Variants in AUTS2 observed in about 807,000 individuals in gnomAD.
The protein encoded by AUTS2 is activator of transcription and developmental regulator AUTS2, also known as autism susceptibility gene 2 protein.
Under a neutral mutation model 112.4 loss-of-function variants are expected in AUTS2, and 17 were observed. The ratio of observed to expected loss-of-function variants is 0.15; its 90% confidence interval spans 0.10 to 0.23. The LOEUF (loss-of-function observed/expected upper bound fraction) is 0.23. AUTS2 is among the 10% of genes least tolerant of loss of function. AUTS2 has a pLI of 1.00. For synonymous variants in AUTS2, 751 were observed against 702.7 expected, an observed-to-expected ratio of 1.07 and a Z score of -1.09; for missense variants, 1,510 against 1,701.6, an observed-to-expected ratio of 0.89 and a Z score of 1.98.
chr7:69,959,986 T>A (rs981868801), intron 2 of AUTS2, among the ~76,000 whole-genome samples: 2 of 152,130 alleles, frequency 1.3e-5, no homozygotes, highest in African/African-American at 2.4e-5. Flanking sequence ...TATTTTTTTT[T>A]AATCTGTCTG....
At chr7:70,003,260 T>G (rs1348832525) in intron 2 of AUTS2, among the ~76,000 whole-genome samples, 1 of 123,624 alleles carries the variant, frequency 8.1e-6, no homozygotes, top group African/African-American at 3.5e-5. Flanking sequence ...TATGAATATA[T>G]AATATATTAT....
intron 4 of AUTS2, among the ~76,000 whole-genome samples, chr7:70,423,791 T>G (rs1009404735): frequency 6.6e-6 from 1 of 152,228 alleles, no homozygotes; most frequent in Non-Finnish European, 1.5e-5. Context: ...GTTTCTGGTT[T>G]TGTTTGTCTG....
intron 5 of AUTS2, among the ~76,000 whole-genome samples, chr7:70,546,571 G>A (rs1024225303): frequency 1.3e-4 from 20 of 152,284 alleles, no homozygotes; most frequent in Non-Finnish European, 2.4e-4. Context: ...GAGGTCAGGA[G>A]ATTGAGACCA....
chr7:69,639,678 C>G (rs1015067730), intron 1 of AUTS2, among the ~76,000 whole-genome samples: 3 of 152,234 alleles, frequency 2.0e-5, no homozygotes, highest in African/African-American at 7.2e-5. Context: ...TTCCGTCTTG[C>G]TCCCTTTTCC....
chr7:70,450,687 A>G (rs1796494608), intron 5 of AUTS2, among the ~76,000 whole-genome samples: 1 of 152,154 alleles, frequency 6.6e-6, no homozygotes, highest in Non-Finnish European at 1.5e-5. Context: ...CAGAATTGAC[A>G]TTTTGGAGGA....
Position 69,812,400 on chromosome 7 carries a change from C to T in AUTS2, c.310-86886C>T, listed in dbSNP as rs1446829233. ...ACAAATACAAGGGTTCTTCCCAGCTCCTACCAGGCTTGATGCTATATAGAT... is the reference window on the plus strand; with the variant it reads ...ACAAATACAAGGGTTCTTCCCAGCTTCTACCAGGCTTGATGCTATATAGAT... On this transcript the variant is annotated intron_variant, in intron 1 of 18. Coordinates refer to ENST00000342771, the MANE Select transcript of AUTS2 (RefSeq NM_015570.4). Among the ~76,000 whole-genome samples the T allele has an allele frequency of 2.6e-5, 4 of 152,162 alleles. No homozygotes were observed. In the South Asian group the frequency reaches 6.2e-4, roughly 24 times the overall value.
intron 5 of AUTS2, among the ~76,000 whole-genome samples, chr7:70,573,606 C>T (rs533456538): frequency 3.3e-5 from 5 of 152,246 alleles, no homozygotes; most frequent in Admixed American, 1.3e-4. Flanking sequence ...AGTGGTTAGA[C>T]GGCCTTTCAG....
intron 1 of AUTS2, among the ~76,000 whole-genome samples, chr7:69,866,335 C>G (rs1041397943): frequency 2.6e-5 from 4 of 152,132 alleles, no homozygotes; most frequent in Admixed American, 2.6e-4. Flanking sequence ...GTTTTGTTCT[C>G]CCTGTTCTCC....
chr7:70,533,364 T>C (rs1800175155), intron 5 of AUTS2, among the ~76,000 whole-genome samples: 1 of 152,170 alleles, frequency 6.6e-6, no homozygotes, highest in African/African-American at 2.4e-5. Context: ...TCCTCACACC[T>C]GACCCTCCCG....
chr7:70,146,102 G>C (rs1426052418), intron 4 of AUTS2, among the ~76,000 whole-genome samples: 2 of 152,022 alleles, frequency 1.3e-5, no homozygotes, highest in East Asian at 3.9e-4. Context: ...TTAGATTTTT[G>C]TGACTAACAG....
rs183163532 is a variant in AUTS2 at position 70,425,388 on chromosome 7, C to T, written c.661-10364C>T. On this transcript the variant is annotated intron_variant, in intron 4 of 18. Transcript: ENST00000342771. The stretch of plus-strand genomic sequence containing the variant: ...CTGAAGGTGATTCAAGCCAGACTGG[C>T]TGTTCCTGCTGGCTGTGCCTTTCCT... 7.1e-3 allele frequency among the ~76,000 whole-genome samples: 1,088 copies of T among 152,338 alleles called. 15 individuals carry two copies. The highest frequency in any genetic ancestry group is 0.025 in the African/African-American group (1,037 of 41,568).
At chr7:69,728,911 A>C (rs1442797445) in intron 1 of AUTS2, among the ~76,000 whole-genome samples, 2 of 152,118 alleles carry the variant, frequency 1.3e-5, no homozygotes, top group African/African-American at 4.8e-5. Context: ...AAAAAATTCA[A>C]ACGAACATTG....
intron 5 of AUTS2, among the ~76,000 whole-genome samples, chr7:70,516,166 T>C (rs903114500): frequency 2.6e-5 from 4 of 152,208 alleles, no homozygotes; most frequent in African/African-American, 9.7e-5. Flanking sequence ...GAGACAGTAA[T>C]GTATGTCGTA....
chr7:69,726,333 A>G (rs1786514520), intron 1 of AUTS2, among the ~76,000 whole-genome samples: 1 of 152,136 alleles, frequency 6.6e-6, no homozygotes, highest in South Asian at 2.1e-4. Context: ...TTCTGTTAAC[A>G]TAATGTTTTT....
In AUTS2 at chr7:69,846,172, CA is replaced by C. The variant is rs564358548; in HGVS notation, c.310-53111del. 1.9e-3 allele frequency among the ~76,000 whole-genome samples: 294 copies of C among 151,872 alleles called. 1 individual carries two copies. Among genetic ancestry groups the C allele is most frequent in the African/African-American group, 6.7e-3 (276 of 41,388 alleles). ...TTGCTTCTAGGCATATTGATATTCACAAAGTTTACCACTGACAGTTGTAGTC... is the reference window on the plus strand; with the variant it reads ...TTGCTTCTAGGCATATTGATATTCACAAGTTTACCACTGACAGTTGTAGTC... On this transcript the variant is annotated intron_variant, in intron 1 of 18. Transcript: ENST00000342771.
intron 1 of AUTS2, among the ~76,000 whole-genome samples, chr7:69,842,461 A>T (rs1792023605): frequency 6.6e-6 from 1 of 152,230 alleles, no homozygotes; most frequent in African/African-American, 2.4e-5. Context: ...TTTGAGAAAC[A>T]TCTGAAGTCT....
At position 70,406,916 on chromosome 7, in the gene AUTS2, G is replaced by C. The variant is rs79942958; in HGVS notation, c.661-28836G>C. The stretch of plus-strand genomic sequence containing the variant: ...AATTAACCATGCATCACCTCCAATA[G>C]AGGAAGCAGCTGGCCTGTTCTCAAC... On this transcript the variant is annotated intron_variant, in intron 4 of 18. Coordinates refer to ENST00000342771, the MANE Select transcript of AUTS2 (RefSeq NM_015570.4). Among the ~76,000 whole-genome samples the C allele has an allele frequency of 5.6e-3, 857 of 152,332 alleles. 4 individuals carry two copies. Among genetic ancestry groups the C allele is most frequent in the Non-Finnish European group, 9.0e-3 (614 of 68,026 alleles).
At chr7:70,391,355 G>A (rs1452476094) in intron 4 of AUTS2, among the ~76,000 whole-genome samples, 1 of 152,136 alleles carries the variant, frequency 6.6e-6, no homozygotes, top group Non-Finnish European at 1.5e-5. Context: ...TGTTTTAGAT[G>A]CTCAGAACAT....
intron 4 of AUTS2, among the ~76,000 whole-genome samples, chr7:70,416,482 T>C (rs535726704): frequency 6.6e-6 from 1 of 152,256 alleles, no homozygotes; most frequent in South Asian, 2.1e-4. Flanking sequence ...AGCTCAATGC[T>C]CTCTCTCTCC....
Sources: allele counts gnomAD v4.1 joint callset (sites outside exome capture counted in the v4.1 genomes callset), GRCh38; gene constraint gnomAD v4.1.1; transcripts MANE v1.5; gene names NCBI Gene and HGNC (gene_info 2026-07-23, HGNC 2026-07-21).